HHLA1: variants seen among roughly 807,000 people sequenced by gnomAD.
HHLA1 encodes the protein HHLA1 neighbor of OC90.
Under a neutral mutation model 69.9 loss-of-function variants are expected in HHLA1, and 72 were observed. The observed-to-expected ratio is 1.03, with a 90% confidence interval of 0.85 to 1.25. The LOEUF is 1.25. Among genes scored for constraint, HHLA1 ranks in the 50% most tolerant of loss-of-function variants. The pLI, the probability that HHLA1 is intolerant of heterozygous loss-of-function variation, is 0.00. For missense variants in HHLA1, 685 were observed against 642.2 expected, an observed-to-expected ratio of 1.07 and a Z score of -0.72; for synonymous variants, 252 against 233.2, an observed-to-expected ratio of 1.08 and a Z score of -0.73.
intron 10 of HHLA1, among the ~76,000 whole-genome samples, chr8:132,083,393 G>A (rs34604971): frequency 0.42 from 63,760 of 150,634 alleles, 15,100 homozygotes; most frequent in Middle Eastern, 0.6. Flanking sequence ...GGTAGCCTCC[G>A]TATTGATTAA....
intron 12 of HHLA1, among the ~76,000 whole-genome samples, chr8:132,076,755 G>A (rs1207318200): frequency 6.6e-6 from 1 of 152,168 alleles, no homozygotes; most frequent in Non-Finnish European, 1.5e-5. Flanking sequence ...CTGTGATACA[G>A]CGTGATGGTT....
At chr8:132,095,642 G>A (rs1418598510) in intron 6 of HHLA1, 40 bp from the exon 7 acceptor site, 4 of 1,529,994 alleles carry the variant, frequency 2.6e-6, no homozygotes, top group Non-Finnish European at 3.5e-6. Context: ...CTAACACACA[G>A]ACCAGCCCTG....
chr8:132,091,006 G>A (rs187934342), intron 7 of HHLA1, among the ~76,000 whole-genome samples: 23 of 152,160 alleles, frequency 1.5e-4, no homozygotes, highest in Admixed American at 7.2e-4. Context: ...TGCTCCACCC[G>A]CCTCGGCCTC....
Position 132,077,832 on chromosome 8 carries a change from C to A in HHLA1, c.1065G>T (p.Pro355=). 2 of 1,551,524 alleles carry A rather than the reference C, an allele frequency of 1.3e-6. No individual in the cohort carries two copies. Among genetic ancestry groups the A allele is most frequent in the Non-Finnish European group, 1.7e-6 (2 of 1,146,970 alleles). The change falls in exon 12 of 17, where the codon CCG becomes CCT. Residue 355 remains proline, a synonymous_variant. Transcript: ENST00000414222. ...GSLWETRSSP[P]TTAGTEEAMN... ...TGGCTTCCTCGGTCCCTGCAGTAGT[C>A]GGTGGGGAAGAACGAGTTTCCCAGA...
chr8:132,094,246 G>A (rs1052870482), intron 7 of HHLA1, among the ~76,000 whole-genome samples: 4 of 152,168 alleles, frequency 2.6e-5, no homozygotes, highest in African/African-American at 7.2e-5. Flanking sequence ...TGCCTTTAGT[G>A]CTTGCTTCCC....
intron 1 of HHLA1, among the ~76,000 whole-genome samples, chr8:132,106,976 A>G (rs545466149): frequency 6.6e-6 from 1 of 152,278 alleles, no homozygotes; most frequent in South Asian, 2.1e-4. Flanking sequence ...ACTACTTTGA[A>G]GGTATTTTTG....
intron 7 of HHLA1, among the ~76,000 whole-genome samples, chr8:132,094,587 CT>C (rs2130894259): frequency 6.6e-6 from 1 of 152,312 alleles, no homozygotes; most frequent in Non-Finnish European, 1.5e-5. Flanking sequence ...AAGGTCACCC[CT>C]CAACCCTCAC....
At position 132,077,787 on chromosome 8, in the gene HHLA1, C is replaced by G; in HGVS notation, c.1110G>C (p.Leu370Phe). 1 of 1,551,640 alleles carries G rather than the reference C, an allele frequency of 6.4e-7. No individual in the cohort carries two copies. Among genetic ancestry groups the G allele is most frequent in the Non-Finnish European group, 8.7e-7 (1 of 1,146,982 alleles). The change falls in exon 12 of 17, where the codon TTG becomes TTC. Residue 370 changes from leucine (L) to phenylalanine (F), a missense_variant. Transcript: ENST00000414222. ...TGGCCATTATCTCAGCAGCAGGCGC[C>G]AAAAGGCTTGTAGTGTTCATGGCTT... ...TEEAMNTTSL[L>F]APAAEIMATP... is the part of the protein sequence containing the mutation.
intron 5 of HHLA1, 113 bp from the exon 6 acceptor site, chr8:132,095,899 AAAAT>A: frequency 1.6e-6 from 1 of 607,300 alleles, no homozygotes; most frequent in East Asian, 2.8e-5. Flanking sequence ...ACCAATGATG[AAAAT>A]AAAGAAACAA....
intron 5 of HHLA1, among the ~76,000 whole-genome samples, chr8:132,097,084 C>T (rs183602802): frequency 2.6e-5 from 4 of 152,326 alleles, no homozygotes; most frequent in Admixed American, 2.0e-4. Context: ...CATTCCCCCT[C>T]GGCTCTCTGG....
chr8:132,077,619 GT>G, intron 12 of HHLA1, 106 bp downstream of exon 12: 1 of 1,124,896 alleles, frequency 8.9e-7, no homozygotes, highest in South Asian at 1.6e-5. Flanking sequence ...TGTTTTCTTA[GT>G]TTTCTGTGTG....
At chr8:132,083,087 G>T (rs368480877) in intron 10 of HHLA1, among the ~76,000 whole-genome samples, 151 of 150,842 alleles carry the variant, frequency 1.0e-3, no homozygotes, top group African/African-American at 3.1e-3. Context: ...GGGTTAAGGT[G>T]GGGGGGATAC....
intron 5 of HHLA1, 43 bp from the exon 6 acceptor site, chr8:132,095,829 A>G (rs1304682999): frequency 8.1e-7 from 1 of 1,236,814 alleles, no homozygotes; most frequent in South Asian, 1.4e-5. Flanking sequence ...GATGCCTACT[A>G]ACGTAACAAT....
chr8:132,080,380 G>A (rs931269174), intron 10 of HHLA1: 5 of 333,064 alleles, frequency 1.5e-5, no homozygotes, highest in African/African-American at 6.7e-5. Flanking sequence ...ATAGGATTTG[G>A]GTAGGTAAAG....
intron 3 of HHLA1, among the ~76,000 whole-genome samples, chr8:132,101,670 G>A (rs180890740): frequency 0.012 from 1,859 of 151,648 alleles, 20 homozygotes; most frequent in Middle Eastern, 0.044. Flanking sequence ...GTCTCCTGGG[G>A]TCAAGCGATT....
intron 7 of HHLA1, among the ~76,000 whole-genome samples, chr8:132,093,217 T>A (rs1823972180): frequency 6.6e-6 from 1 of 152,182 alleles, no homozygotes; most frequent in South Asian, 2.1e-4. Context: ...TAGACAGCCT[T>A]GGATAGCATT....
At position 132,070,178 on chromosome 8, in the gene HHLA1, CT is replaced by C. The variant is rs764792857; in HGVS notation, c.1469+1161del. On this transcript the variant is annotated intron_variant, in intron 15 of 16. Transcript: ENST00000414222. ...ACAGGAGAGATTGGTATCCAGGCCA[CT>C]GGAGCAGGAGTATTCATCTATGTAA... 13 of 578,414 alleles carry C rather than the reference CT, an allele frequency of 2.2e-5. No homozygotes were observed. In the East Asian group the frequency reaches 2.8e-4, roughly 13 times the overall value. 35.8% of individuals were successfully genotyped at this position (578,414 alleles called of 1,614,324 possible). A position where few individuals can be genotyped will look rare whatever the true frequency, so the allele number is the denominator to read the frequency against.
rs1824184284 is a variant in HHLA1 at position 132,105,231 on chromosome 8, T to G, written c.35A>C (p.Lys12Thr). ...GACACATGCCAGGCCCATGCACAGC[T>G]TCATTGAAGGACCACGTGACAGGAA... ...LGFLSRGPSM[K>T]LCMGLACVLS... Residue 12 changes from lysine to threonine, a missense_variant, in exon 2 of 17, where the codon AAG (lysine) becomes ACG (threonine). By Grantham distance (78) the Lys-to-Thr change is moderately conservative (BLOSUM62 -1). Transcript: ENST00000414222. The G allele has an allele frequency of 1.3e-6, 2 of 1,552,062 alleles. No homozygotes were observed. The highest frequency in any genetic ancestry group is 1.7e-4 in the Middle Eastern group (1 of 6,018).
chr8:132,080,261 C>T (rs549135738), intron 10 of HHLA1: 59 of 443,310 alleles, frequency 1.3e-4, no homozygotes, highest in African/African-American at 1.0e-3. Context: ...TGTGAAGAGA[C>T]CACCAAACAG....
Sources: gnomAD v4.1 joint callset for allele counts (sites outside exome capture counted in the v4.1 genomes callset) on GRCh38, gnomAD v4.1.1 for gene constraint, MANE v1.5 for transcripts, NCBI Gene and HGNC (gene_info 2026-07-23, HGNC 2026-07-21) for gene names.